The following RFX3 variants were observed in gnomAD, a reference collection of about 807,000 sequenced individuals.
RFX3 encodes regulatory factor X3.
Under a neutral mutation model 98.6 loss-of-function variants are expected in RFX3, and 14 were observed. That is an observed-to-expected ratio of 0.14 (90% CI 0.09 to 0.22). The LOEUF is 0.22. RFX3 is among the 10% of genes least tolerant of loss of function. The probability of loss-of-function intolerance (pLI) is 1.00; values close to 1 mark genes in which losing one functional copy is unlikely to be tolerated. For synonymous variants in RFX3, 383 were observed against 328.4 expected (o/e 1.17, Z -1.80); for missense variants, 639 against 926.9 (o/e 0.69, Z 4.03).
intron 1 of RFX3, among the ~76,000 whole-genome samples, chr9:3,467,095 TGTAAG>T (rs1226988480): frequency 7.2e-6 from 1 of 139,022 alleles, no homozygotes; most frequent in East Asian, 2.0e-4. Flanking sequence ...CATACATATA[TGTAAG>T]TATATATGTA....
chr9:3,457,588 T>A (rs984453051), intron 1 of RFX3, among the ~76,000 whole-genome samples: 2 of 152,198 alleles, frequency 1.3e-5, no homozygotes, highest in South Asian at 2.1e-4. Flanking sequence ...TTTTTCATGA[T>A]CTGAACATGT....
intron 1 of RFX3, among the ~76,000 whole-genome samples, chr9:3,475,931 G>C (rs1163470279): frequency 6.6e-6 from 1 of 152,296 alleles, no homozygotes; most frequent in Non-Finnish European, 1.5e-5. Context: ...ACCACAGTCT[G>C]CTTGGCAACA....
intron 13 of RFX3, among the ~76,000 whole-genome samples, chr9:3,259,611 G>A (rs1219260783): frequency 6.6e-6 from 1 of 151,672 alleles, no homozygotes; most frequent in Non-Finnish European, 1.5e-5. Flanking sequence ...TATCAGGTCA[G>A]CCCACCGAAA....
At chr9:3,263,955 G>C (rs150855944) in intron 12 of RFX3, among the ~76,000 whole-genome samples, 1 of 152,114 alleles carries the variant, frequency 6.6e-6, no homozygotes, top group African/African-American at 2.4e-5. Context: ...CCACAGTCCT[G>C]AGGGAAAGAG....
chr9:3,291,261 C>T (rs1827292270), intron 6 of RFX3, among the ~76,000 whole-genome samples: 1 of 152,004 alleles, frequency 6.6e-6, no homozygotes, highest in South Asian at 2.1e-4. Context: ...ATCCGGGTTA[C>T]TCGGGAGGCT....
At chr9:3,341,981 A>G (rs1833939596) in intron 3 of RFX3, among the ~76,000 whole-genome samples, 1 of 152,238 alleles carries the variant, frequency 6.6e-6, no homozygotes, top group East Asian at 1.9e-4. Flanking sequence ...CATTCCACTT[A>G]TAGAGGAAGA....
intron 4 of RFX3, among the ~76,000 whole-genome samples, chr9:3,314,881 T>C (rs994610834): frequency 6.6e-6 from 1 of 152,100 alleles, no homozygotes; most frequent in Admixed American, 6.6e-5. Flanking sequence ...AAGCAAGTCC[T>C]TAGAGACCTA....
At chr9:3,437,872 G>T (rs1845288083) in intron 1 of RFX3, among the ~76,000 whole-genome samples, 2 of 152,076 alleles carry the variant, frequency 1.3e-5, no homozygotes, top group South Asian at 4.1e-4. Flanking sequence ...ATAGGGAAAT[G>T]CTTCTCAATT....
chr9:3,361,940 C>A (rs958711059), intron 2 of RFX3, among the ~76,000 whole-genome samples: 6 of 152,090 alleles, frequency 3.9e-5, no homozygotes, highest in Admixed American at 1.3e-4. Context: ...GAGCAAGACC[C>A]TGTCTCAAAA....
chr9:3,435,800 TG>T (rs1845071134), intron 1 of RFX3, among the ~76,000 whole-genome samples: 1 of 127,148 alleles, frequency 7.9e-6, no homozygotes, highest in Admixed American at 8.1e-5. Context: ...GCATCTGCAT[TG>T]TAAAAAAAAA....
intron 1 of RFX3, among the ~76,000 whole-genome samples, chr9:3,508,478 T>C (rs2133807923): frequency 6.6e-6 from 1 of 152,110 alleles, no homozygotes; most frequent in South Asian, 2.1e-4. Context: ...TAATGCATTA[T>C]ATTCTGACTC....
intron 1 of RFX3, among the ~76,000 whole-genome samples, chr9:3,424,709 T>C (rs929950515): frequency 6.6e-5 from 10 of 152,120 alleles, no homozygotes; most frequent in Non-Finnish European, 1.3e-4. Context: ...ATTCAGTTTT[T>C]ATAATACAGA....
At chr9:3,245,186 T>G (rs1586717983) in intron 15 of RFX3, among the ~76,000 whole-genome samples, 1 of 152,190 alleles carries the variant, frequency 6.6e-6, no homozygotes, top group African/African-American at 2.4e-5. Context: ...AGACTTGAAC[T>G]GTTTAAGGTA....
rs201953054 is a variant in RFX3, at chr9:3,508,536, GAATA to G, written c.-9+17207_-9+17210del. On this transcript the variant is annotated intron_variant, in intron 1 of 16. Transcript: ENST00000617270. ...GCATTAAATTTTAAAAAATGATAAA[GAATA>G]AAAAAGAGGAACTTCTAGGCAAAAA... 5.5e-3 allele frequency among the ~76,000 whole-genome samples: 838 copies of G among 151,874 alleles called. 2 individuals are homozygous for G. Among genetic ancestry groups the G allele is most frequent in the African/African-American group, 0.019 (798 of 41,486 alleles).
intron 5 of RFX3, among the ~76,000 whole-genome samples, chr9:3,299,354 T>A (rs1828369924): frequency 6.6e-6 from 1 of 151,712 alleles, no homozygotes; most frequent in Admixed American, 6.6e-5. Context: ...GACAACAGGA[T>A]CTTTTTCTGT....
chr9:3,464,287 C>T (rs1205088975), intron 1 of RFX3, among the ~76,000 whole-genome samples: 1 of 152,118 alleles, frequency 6.6e-6, no homozygotes, highest in African/African-American at 2.4e-5. Context: ...CACATTTATC[C>T]GAGTAAAATA....
intron 1 of RFX3, among the ~76,000 whole-genome samples, chr9:3,419,854 A>T (rs1001427118): frequency 1.7e-4 from 26 of 152,182 alleles, no homozygotes; most frequent in African/African-American, 6.3e-4. Flanking sequence ...ATTGTTTTTC[A>T]CACTCAAATA....
intron 1 of RFX3, among the ~76,000 whole-genome samples, chr9:3,405,883 C>G (rs1338819736): frequency 6.6e-6 from 1 of 152,106 alleles, no homozygotes; most frequent in Non-Finnish European, 1.5e-5. Context: ...TACTGTCTCC[C>G]CAAGTTTATA....
At chr9:3,409,761 T>C (rs1365731708) in intron 1 of RFX3, among the ~76,000 whole-genome samples, 2 of 152,086 alleles carry the variant, frequency 1.3e-5, no homozygotes, top group African/African-American at 4.8e-5. Flanking sequence ...GAGTAATCGG[T>C]TTTCAGATAA....
Sources: allele counts gnomAD v4.1 joint callset (sites outside exome capture counted in the v4.1 genomes callset), GRCh38; gene constraint gnomAD v4.1.1; transcripts MANE v1.5; gene names NCBI Gene and HGNC (gene_info 2026-07-23, HGNC 2026-07-21).